Variants in GFM2 observed in about 807,000 individuals in gnomAD.
GFM2 encodes the protein GTP dependent ribosome recycling factor mitochondrial 2.
In GFM2, 72 loss-of-function variants were observed where a neutral mutation model predicts 95.4. That is an observed-to-expected ratio of 0.76 (90% CI 0.62 to 0.92). GFM2 has a LOEUF of 0.92. GFM2 is among the 40% of genes least tolerant of loss of function. The probability of loss-of-function intolerance (pLI) is 0.00; values close to 1 mark genes in which losing one functional copy is unlikely to be tolerated. For synonymous variants in GFM2, 276 were observed against 317.5 expected (o/e 0.87, Z 1.39); for missense variants, 825 against 924.1 (o/e 0.89, Z 1.39).
intron 4 of GFM2, among the ~76,000 whole-genome samples, 159 bp downstream of exon 4, chr5:74,759,210 A>G (rs1474143010): frequency 6.6e-6 from 1 of 151,612 alleles, no homozygotes; most frequent in African/African-American, 2.4e-5. Flanking sequence ...TTTTAGCATT[A>G]ATTGAGAAAA....
intron 15 of GFM2, among the ~76,000 whole-genome samples, chr5:74,735,959 T>C (rs566565087): frequency 6.6e-6 from 1 of 152,154 alleles, no homozygotes; most frequent in Non-Finnish European, 1.5e-5. Context: ...GCCAATGACA[T>C]AGAAGAAATC....
At chr5:74,748,429 C>A (rs770235894) in intron 7 of GFM2, among the ~76,000 whole-genome samples, 7 of 152,196 alleles carry the variant, frequency 4.6e-5, no homozygotes, top group Admixed American at 1.3e-4. Context: ...AGCAACCTGT[C>A]TTGATTTCTG....
At chr5:74,726,235 A>G in intron 17 of GFM2, 109 bp from the exon 18 acceptor site, 1 of 700,962 alleles carries the variant, frequency 1.4e-6, no homozygotes. Context: ...TACAAGATAA[A>G]GTGGGAGAGA....
chr5:74,739,465 G>A (rs1373767129), intron 12 of GFM2, among the ~76,000 whole-genome samples: 1 of 152,070 alleles, frequency 6.6e-6, no homozygotes, highest in African/African-American at 2.4e-5. Context: ...TCACCATCAT[G>A]CCTCTCCAAT....
chr5:74,722,659 C>A (rs1193646067), intron 19 of GFM2, 98 bp from the exon 20 acceptor site: 3 of 929,652 alleles, frequency 3.2e-6, no homozygotes, highest in African/African-American at 3.4e-5. Context: ...CTTGCTTTAA[C>A]TCTCTCTTTA....
At chr5:74,757,505 A>C (rs1744048672) in intron 5 of GFM2, among the ~76,000 whole-genome samples, 1 of 152,074 alleles carries the variant, frequency 6.6e-6, no homozygotes, top group African/African-American at 2.4e-5. Context: ...TTATAAAAGG[A>C]ATCTTCACTT....
chr5:74,760,886 ACT>A lies in GFM2; in HGVS notation c.148+14_148+15del. On this transcript the variant is annotated intron_variant, in intron 3 of 20. Transcript: ENST00000296805. ...CAAACAGCTTAGATAAAATTAGAAG[ACT>A]CTAACATTTGTACCTGGTAGAGAAC... 1 of 1,491,176 alleles carries A rather than the reference ACT, an allele frequency of 6.7e-7. No homozygotes were observed. Among genetic ancestry groups the A allele is most frequent in the South Asian group, 1.2e-5 (1 of 84,998 alleles). 92.4% of individuals were successfully genotyped at this position (1,491,176 alleles called of 1,614,324 possible).
rs573484564 is a variant in GFM2 at position 74,738,702 on chromosome 5, T to C, written c.1080-60A>G. ...TACACTTCCCATAACTGCAGAAACT[T>C]AACCTTAATGTCCCCAAAGATCTAT... is the stretch of plus-strand genomic sequence containing the variant. On this transcript the variant is annotated intron_variant, in intron 12 of 20. Transcript: ENST00000296805. 3.7e-5 allele frequency: 55 copies of C among 1,487,638 alleles called. No homozygotes were observed. The East Asian group carries it at 1.2e-3, about 33-fold the overall frequency. The allele number at this position is 1,487,638 out of a possible 1,614,324, so 92.2% of individuals were successfully genotyped here.
At chr5:74,764,693 A>G (rs528069143) in intron 1 of GFM2, among the ~76,000 whole-genome samples, 6 of 152,100 alleles carry the variant, frequency 3.9e-5, no homozygotes, top group African/African-American at 1.4e-4. Context: ...GATCTTAGCT[A>G]AGAAACATTC....
chr5:74,761,867 T>C lies in GFM2; in HGVS notation c.64-881A>G, dbSNP rs1326403200. 4.6e-5 allele frequency among the ~76,000 whole-genome samples: 7 copies of C among 152,240 alleles called. No individual in the cohort carries two copies. In the East Asian group the frequency reaches 1.3e-3, roughly 29 times the overall value. On this transcript the variant is annotated intron_variant, in intron 2 of 20. Coordinates refer to ENST00000296805, the MANE Select transcript of GFM2 (RefSeq NM_032380.5). ...GTAATGATTTAGGGCCACCACAATC[T>C]GCTTTTTGTTTCATGAACTGCGTAT...
At chr5:74,760,698 T>C (rs1160708677) in intron 3 of GFM2, among the ~76,000 whole-genome samples, 3 of 152,194 alleles carry the variant, frequency 2.0e-5, no homozygotes, top group African/African-American at 4.8e-5. Context: ...TTCATCAGCG[T>C]GTTCCTCAGA....
At chr5:74,763,651 G>C in intron 2 of GFM2, 29 bp downstream of exon 2, 1 of 1,325,608 alleles carries the variant, frequency 7.5e-7, no homozygotes, top group Non-Finnish European at 1.1e-6. Flanking sequence ...GGTTGTTAAA[G>C]GACACTTAAT....
chr5:74,751,565 G>A, intron 5 of GFM2, 72 bp from the exon 6 acceptor site: 4 of 1,148,540 alleles, frequency 3.5e-6, no homozygotes, highest in Non-Finnish European at 5.1e-6. Flanking sequence ...ATATCTACCT[G>A]ACACAGTTTA....
Position 74,763,702 on chromosome 5 carries a change from GT to G in GFM2, c.40del (p.Thr14GlnfsTer15), listed in dbSNP as rs1744400083. On this transcript the variant is annotated frameshift_variant, in exon 2 of 21. Transcript: ENST00000296805. LOFTEE classifies it high-confidence loss of function. Reference sequence around the variant, plus strand: ...TACATTAATATACACACTGGGTATTGTCTGATGACTCATTGCAAATATCCTC... The same window carrying G: ...TACATTAATATACACACTGGGTATTGCTGATGACTCATTGCAAATATCCTC... ...NLRIFAMSHQ[T>X]IPSVYINNIC... 4.4e-6 allele frequency: 7 copies of G among 1,595,742 alleles called. No homozygotes were observed. The highest frequency in any genetic ancestry group is 6.0e-6 in the Non-Finnish European group (7 of 1,164,058).
chr5:74,738,495 T>C lies in GFM2; in HGVS notation c.1220+7A>G, dbSNP rs766791577. 5 of 1,611,202 alleles carry C rather than the reference T, an allele frequency of 3.1e-6. No individual in the cohort carries two copies. In the South Asian group the frequency reaches 5.5e-5, roughly 18 times the overall value. ...AGTTTTATAAAATAATCTAAGCTTCTACTTACGTGCAGTTTCCATTAATAT... is the reference window on the plus strand; with the variant it reads ...AGTTTTATAAAATAATCTAAGCTTCCACTTACGTGCAGTTTCCATTAATAT... On this transcript the variant is annotated splice_region_variant and intron_variant, in intron 13 of 20. Coordinates refer to ENST00000296805, the MANE Select transcript of GFM2 (RefSeq NM_032380.5).
In GFM2 at chr5:74,721,619, A is replaced by AAAAAT; in HGVS notation, c.*35_*36insATTTT. The AAAAAT allele has an allele frequency of 6.3e-7, 1 of 1,599,772 alleles. No individual in the cohort carries two copies. The highest frequency in any genetic ancestry group is 8.5e-7 in the Non-Finnish European group (1 of 1,173,264). On this transcript the variant is annotated 3_prime_UTR_variant, in exon 21 of 21. Transcript: ENST00000296805. ...TGTTCTTACTGAAAATGAAGTAGCTAGGTGCTCCTGAATTTCTCTCCAAAA... is the reference window on the plus strand; with the variant it reads ...TGTTCTTACTGAAAATGAAGTAGCTAAAAATGGTGCTCCTGAATTTCTCTCCAAAA...
chr5:74,747,002 T>A, intron 8 of GFM2, among the ~76,000 whole-genome samples: 1 of 152,184 alleles, frequency 6.6e-6, no homozygotes, highest in Non-Finnish European at 1.5e-5. Flanking sequence ...TTTTTGCCAT[T>A]CTCCCATCAC....
At chr5:74,742,547 C>G (rs540839598) in intron 10 of GFM2, among the ~76,000 whole-genome samples, 3 of 152,232 alleles carry the variant, frequency 2.0e-5, no homozygotes, top group African/African-American at 7.2e-5. Context: ...TAAGTATTAG[C>G]TATTATTACT....
In GFM2 at chr5:74,759,349, GATA is replaced by G; in HGVS notation, c.206+17_206+19del. On this transcript the variant is annotated intron_variant, in intron 4 of 20. Transcript: ENST00000296805. ...TTCGTGACAGTCTATGGAAAAGCAT[GATA>G]TAATGATAGTACTTACTTAGCTATG... The G allele has an allele frequency of 7.3e-7, 1 of 1,377,460 alleles. No individual in the cohort carries two copies. The highest frequency in any genetic ancestry group is 1.0e-6 in the Non-Finnish European group (1 of 982,626). The allele number at this position is 1,377,460 out of a possible 1,614,324, so 85.3% of individuals were successfully genotyped here.
Sources: gnomAD v4.1 joint callset for allele counts (sites outside exome capture counted in the v4.1 genomes callset) on GRCh38, gnomAD v4.1.1 for gene constraint, MANE v1.5 for transcripts, NCBI Gene and HGNC (gene_info 2026-07-23, HGNC 2026-07-21) for gene names.